MYOM1: variants seen among roughly 807,000 people sequenced by gnomAD.
MYOM1 encodes the protein myomesin 1.
Under a neutral mutation model 205.3 loss-of-function variants are expected in MYOM1, and 164 were observed. That is an observed-to-expected ratio of 0.80 (90% CI 0.70 to 0.91). The LOEUF is 0.91. Ranked by LOEUF, MYOM1 falls within the 40% of genes least tolerant of loss-of-function variation. The pLI is 0.00. For missense variants in MYOM1, 2,011 were observed against 2,127.3 expected (o/e 0.95, Z 1.08); for synonymous variants, 772 against 789.4 (o/e 0.98, Z 0.37).
intron 21 of MYOM1, among the ~76,000 whole-genome samples, chr18:3,115,700 T>G (rs1186367106): frequency 6.6e-6 from 1 of 152,194 alleles, no homozygotes; most frequent in African/African-American, 2.4e-5. Context: ...CGAAATTTCC[T>G]TTTGCTACAA....
chr18:3,085,226 C>T, intron 30 of MYOM1, 94 bp from the exon 31 acceptor site: 2 of 203,000 alleles, frequency 9.9e-6, no homozygotes, highest in Non-Finnish European at 1.7e-5. Flanking sequence ...TCTGCTGCTG[C>T]TGCTTTTTTT....
chr18:3,237,624 G>GAAAAAAAAAAAAAAAAAAAAAAAA, the MYOM1 span, among the ~76,000 whole-genome samples: 1 of 138,016 alleles, frequency 7.2e-6, no homozygotes. Context: ...AAAAAAAAAG[G>GAAAAAAAAAAAAAAAAAAAAAAAA]AAATACATTC....
At chr18:3,099,137 A>G (rs896632074) in intron 25 of MYOM1, among the ~76,000 whole-genome samples, 5 of 152,194 alleles carry the variant, frequency 3.3e-5, no homozygotes, top group African/African-American at 1.2e-4. Flanking sequence ...TTTTGAGAAC[A>G]TTACAGCTGA....
chr18:3,232,931 A>G, the MYOM1 span, among the ~76,000 whole-genome samples: 1 of 152,224 alleles, frequency 6.6e-6, no homozygotes, highest in Non-Finnish European at 1.5e-5. Flanking sequence ...TAAACGTAGT[A>G]CAATCTGATT....
intron 13 of MYOM1, among the ~76,000 whole-genome samples, chr18:3,147,906 A>AG (rs1185251591): frequency 6.6e-6 from 1 of 152,148 alleles, no homozygotes; most frequent in Admixed American, 6.5e-5. Context: ...TAACATTTCC[A>AG]GGGGGAAAAA....
intron 36 of MYOM1, among the ~76,000 whole-genome samples, chr18:3,072,371 T>TTTTTTTTTTTTA (rs2078969735): frequency 7.6e-6 from 1 of 132,414 alleles, no homozygotes; most frequent in African/African-American, 3.0e-5. Flanking sequence ...TTTTTTTTTT[T>TTTTTTTTTTTTA]GAGGCAGAGT....
chr18:3,217,833 GATAAA>G (rs1310548393), intron 1 of MYOM1, among the ~76,000 whole-genome samples: 21 of 151,798 alleles, frequency 1.4e-4, no homozygotes, highest in Non-Finnish European at 2.9e-5. Flanking sequence ...AAAAATTTAA[GATAAA>G]ATAAAATAAG....
rs961259566 is a variant in MYOM1 at position 3,173,969 on chromosome 18, G to C, written c.1143C>G (p.Phe381Leu). 1.6e-5 allele frequency: 26 copies of C among 1,613,574 alleles called. No individual in the cohort carries two copies. In the East Asian group the frequency reaches 5.8e-4, roughly 36 times the overall value. The change falls in exon 8 of 38, where the codon TTC becomes TTG. Residue 381 changes from phenylalanine to leucine, a missense_variant. Phe to Leu is a conservative substitution (Grantham distance 22). Transcript: ENST00000356443. ...RYKGEFDETR[F>L]HAGASTMPLS... Reference sequence around the variant, plus strand: ...GGGGCATGGTGGAAGCCCCAGCGTGGAAGCGAGTCTCATCAAACTCTCCCT... The same window carrying C: ...GGGGCATGGTGGAAGCCCCAGCGTGCAAGCGAGTCTCATCAAACTCTCCCT...
At chr18:3,233,563 T>C in the MYOM1 span, among the ~76,000 whole-genome samples, 96 of 152,238 alleles carry the variant, frequency 6.3e-4, no homozygotes, top group Non-Finnish European at 1.2e-3. Context: ...TATGGCTCTC[T>C]GGCCCTTCAG....
At chr18:3,116,663 T>C (rs2079611195) in intron 20 of MYOM1, 148 bp from the exon 21 acceptor site, 2 of 789,098 alleles carry the variant, frequency 2.5e-6, no homozygotes, top group Admixed American at 3.2e-5. Flanking sequence ...AAGTATTCTG[T>C]GGTCATTTCA....
chr18:3,160,341 C>T (rs893957710), intron 10 of MYOM1, among the ~76,000 whole-genome samples: 7 of 152,108 alleles, frequency 4.6e-5, no homozygotes, highest in African/African-American at 1.7e-4. Flanking sequence ...GCATGCATCA[C>T]ACCCAGCTAA....
intron 2 of MYOM1, among the ~76,000 whole-genome samples, chr18:3,214,312 T>A (rs2081227697): frequency 6.6e-6 from 1 of 152,214 alleles, no homozygotes; most frequent in Non-Finnish European, 1.5e-5. Flanking sequence ...AAATGATCTT[T>A]TCTCGCCCTG....
chr18:3,201,384 G>A (rs1007119670), intron 2 of MYOM1, among the ~76,000 whole-genome samples: 1 of 151,278 alleles, frequency 6.6e-6, no homozygotes, highest in Non-Finnish European at 1.5e-5. Flanking sequence ...CCTGGCGACA[G>A]AGTGAGACTC....
chr18:3,207,013 A>T (rs528443778), intron 2 of MYOM1, among the ~76,000 whole-genome samples: 1 of 152,202 alleles, frequency 6.6e-6, no homozygotes, highest in East Asian at 1.9e-4. Flanking sequence ...TTTAAAAAAA[A>T]CTATTTAAAT....
intron 26 of MYOM1, 94 bp from the exon 27 acceptor site, chr18:3,090,896 A>G: frequency 6.7e-7 from 1 of 1,488,570 alleles, no homozygotes; most frequent in East Asian, 2.3e-5. Context: ...TAAACCCCAA[A>G]GGCTAGATGC....
At chr18:3,244,092 G>T in the MYOM1 span, among the ~76,000 whole-genome samples, 2 of 152,112 alleles carry the variant, frequency 1.3e-5, no homozygotes, top group Non-Finnish European at 2.9e-5. Context: ...ACGTTCTGTT[G>T]TCGAGGGCCG....
intron 27 of MYOM1, 47 bp from the exon 28 acceptor site, chr18:3,089,643 A>T: frequency 6.7e-7 from 1 of 1,494,826 alleles, no homozygotes; most frequent in Non-Finnish European, 9.2e-7. Flanking sequence ...TGGGTGGTAT[A>T]AATGCACATG....
chr18:3,086,149 C>T lies in MYOM1; in HGVS notation c.4140G>A (p.Val1380=). 2 of 1,570,142 alleles carry T rather than the reference C, an allele frequency of 1.3e-6. No homozygotes were observed. Among genetic ancestry groups the T allele is most frequent in the Non-Finnish European group, 1.7e-6 (2 of 1,154,214 alleles). Residue 1380 remains valine (V), a splice_region_variant and synonymous_variant, in exon 30 of 38, where the codon GTG becomes GTA. Coordinates refer to ENST00000356443, the MANE Select transcript of MYOM1 (RefSeq NM_003803.4). ...GECNVLLKCK[V]ANIKKETHIV... ...TATGAGTCTCCTTCTTAATATTTGC[C>T]ACCTAGGAGAAAAACCATAATTACT...
At chr18:3,084,122 G>A in intron 31 of MYOM1, 95 bp from the exon 32 acceptor site, 1 of 1,322,468 alleles carries the variant, frequency 7.6e-7, no homozygotes, top group Non-Finnish European at 1.1e-6. Flanking sequence ...TCCCTTTCTG[G>A]TTGAAAGGAA....
Sources: allele counts gnomAD v4.1 joint callset (sites outside exome capture counted in the v4.1 genomes callset), GRCh38; gene constraint gnomAD v4.1.1; transcripts MANE v1.5; gene names NCBI Gene and HGNC (gene_info 2026-07-23, HGNC 2026-07-21).